The following PRSS41 variants were observed in gnomAD, a reference collection of about 807,000 sequenced individuals.
The protein encoded by PRSS41 is serine protease 41, also known as protease, serine 41.
Under a neutral mutation model 28.8 loss-of-function variants are expected in PRSS41, and 37 were observed. That is an observed-to-expected ratio of 1.29 (90% confidence interval 0.99 to 1.69). PRSS41 has a LOEUF of 1.69. Among genes scored for constraint, PRSS41 ranks in the 40% most tolerant of loss-of-function variants. PRSS41 has a pLI of 0.00. For synonymous variants in PRSS41, 195 were observed against 163.1 expected (o/e 1.20, Z -1.49); for missense variants, 431 against 400.7 (o/e 1.08, Z -0.65).
At chr16:2,798,640 G>A (rs759895948) in exon 2 of PRSS41, 2 of 1,494,970 alleles carry the variant, frequency 1.3e-6, no homozygotes, top group Non-Finnish European at 1.8e-6. Flanking sequence ...CTGCAGAGTC[G>A]CAGGAGGAGG....
intron 4 of PRSS41, among the ~76,000 whole-genome samples, chr16:2,800,026 AG>A (rs2068976213): frequency 6.6e-6 from 1 of 152,256 alleles, no homozygotes; most frequent in African/African-American, 2.4e-5. Context: ...ATGCATCATG[AG>A]GCACTTTCAT....
intron 4 of PRSS41, among the ~76,000 whole-genome samples, chr16:2,803,730 G>T (rs2069003728): frequency 6.6e-6 from 1 of 152,166 alleles, no homozygotes; most frequent in African/African-American, 2.4e-5. Flanking sequence ...TGTAGGATAG[G>T]TCAACTAATG....
rs748422587 is a variant in PRSS41 at position 2,804,469 on chromosome 16, C to G, written c.622C>G (p.Gln208Glu). Reference sequence around the variant, plus strand: ...CACCAGGTGTAATTACCTGTTTGAACAGCCCTCTAGCCGTAGTATGATCTG... The same window carrying G: ...CACCAGGTGTAATTACCTGTTTGAAGAGCCCTCTAGCCGTAGTATGATCTG... The change falls in exon 5 of 6, where the codon CAG (glutamine) becomes GAG (glutamate). Residue 208 changes from glutamine (Q) to glutamate (E), a missense_variant. Transcript: ENST00000399677. The G allele has an allele frequency of 2.6e-6, 4 of 1,551,666 alleles. No homozygotes were observed. The African/African-American group carries it at 4.1e-5, about 16-fold the overall frequency.
intron 4 of PRSS41, among the ~76,000 whole-genome samples, chr16:2,801,300 T>C (rs2068984184): frequency 6.6e-6 from 1 of 152,216 alleles, no homozygotes; most frequent in Admixed American, 6.5e-5. Flanking sequence ...ATGATTTGAT[T>C]GTTTTATCAA....
At chr16:2,804,685 C>G (rs868054876) in intron 5 of PRSS41, 139 bp downstream of exon 5, 1 of 928,322 alleles carries the variant, frequency 1.1e-6, no homozygotes, top group Middle Eastern at 3.4e-4. Context: ...AGTTACTGAG[C>G]CTACAAAATA....
intron 4 of PRSS41, among the ~76,000 whole-genome samples, chr16:2,800,323 C>G (rs1424138035): frequency 6.6e-6 from 1 of 152,062 alleles, no homozygotes; most frequent in African/African-American, 2.4e-5. Context: ...GGTGAATCAC[C>G]TGAGGTCAGG....
At chr16:2,802,214 C>G (rs1282877737) in intron 4 of PRSS41, among the ~76,000 whole-genome samples, 1 of 150,912 alleles carries the variant, frequency 6.6e-6, no homozygotes, top group African/African-American at 2.4e-5. Context: ...GGGTCGCGGC[C>G]GGGCAGAGGC....
At chr16:2,803,079 T>C (rs944419609) in intron 4 of PRSS41, among the ~76,000 whole-genome samples, 28 of 151,952 alleles carry the variant, frequency 1.8e-4, no homozygotes, top group African/African-American at 6.3e-4. Flanking sequence ...GATCCAGTGA[T>C]TTTTTTAAAA....
exon 6 of PRSS41, chr16:2,805,062 T>G (rs1364646250): frequency 1.0e-5 from 16 of 1,552,660 alleles, no homozygotes; most frequent in Non-Finnish European, 1.4e-5. Context: ...CGGAGGGTGA[T>G]GTCCCACAGT....
At chr16:2,801,512 AT>A (rs1424243572) in intron 4 of PRSS41, among the ~76,000 whole-genome samples, 2 of 151,386 alleles carry the variant, frequency 1.3e-5, no homozygotes, top group African/African-American at 4.9e-5. Context: ...TGTGTCCCTG[AT>A]TACTTGAGAT....
intron 4 of PRSS41, among the ~76,000 whole-genome samples, chr16:2,802,609 C>G (rs1257261443): frequency 6.6e-6 from 1 of 152,242 alleles, no homozygotes; most frequent in East Asian, 1.9e-4. Context: ...ACTGAGTGAA[C>G]CAGACTCCGT....
At chr16:2,803,052 T>C (rs983247161) in intron 4 of PRSS41, among the ~76,000 whole-genome samples, 2 of 152,354 alleles carry the variant, frequency 1.3e-5, no homozygotes. Flanking sequence ...GACTCTCTTA[T>C]AAGGAGCACC....
At chr16:2,798,532 T>A (rs1445141492) in exon 1 of PRSS41, 1 of 1,530,422 alleles carries the variant, frequency 6.5e-7, no homozygotes, top group Non-Finnish European at 8.8e-7. Flanking sequence ...TGGCTCGGGC[T>A]GGACTCGGGA....
chr16:2,804,312 C>T (rs537213080), intron 4 of PRSS41, 77 bp from the exon 5 acceptor site: 209 of 1,491,522 alleles, frequency 1.4e-4, no homozygotes, highest in Non-Finnish European at 1.7e-4. Flanking sequence ...CCCTATAACA[C>T]ATGCCCTTTC....
chr16:2,799,013 C>A (rs1366982280), exon 3 of PRSS41: 1 of 1,532,272 alleles, frequency 6.5e-7, no homozygotes, highest in South Asian at 1.2e-5. Context: ...GTGGAGTCCG[C>A]GCGCGGGCGC....
In PRSS41 at chr16:2,798,897, A is replaced by G. The variant is rs2068965866; in HGVS notation, c.92-62A>G. ...CGCGCACCCCGGGGCAAAGCCGGGC[A>G]GGGCGGGCCTGCCCACCCCACCCCA... On this transcript the variant is annotated intron_variant, in intron 2 of 5. Transcript: ENST00000399677. 5 of 1,447,210 alleles carry G rather than the reference A, an allele frequency of 3.5e-6. No individual in the cohort carries two copies. The East Asian group carries it at 1.3e-4, about 38-fold the overall frequency. 89.6% of individuals were successfully genotyped at this position (1,447,210 alleles called of 1,614,324 possible).
chr16:2,799,134 G>T lies in PRSS41; in HGVS notation c.257+10G>T. The T allele has an allele frequency of 6.6e-7, 1 of 1,509,992 alleles. No individual in the cohort carries two copies. 93.5% of individuals were successfully genotyped at this position (1,509,992 alleles called of 1,614,324 possible). On this transcript the variant is annotated intron_variant, in intron 3 of 5. Transcript: ENST00000399677. ...CGCACTGCTTCCAAAAGTGAGTCTGGGGGGCGGCCGGGGCCTCAGACTTGC... is the reference window on the plus strand; with the variant it reads ...CGCACTGCTTCCAAAAGTGAGTCTGTGGGGCGGCCGGGGCCTCAGACTTGC...
At chr16:2,800,839 TAGC>T (rs2068981205) in intron 4 of PRSS41, among the ~76,000 whole-genome samples, 1 of 152,254 alleles carries the variant, frequency 6.6e-6, no homozygotes, top group South Asian at 2.1e-4. Context: ...TGTTTTGTAA[TAGC>T]AGCTACCTTA....
chr16:2,799,305 T>C (rs201718386), exon 4 of PRSS41: 71 of 1,551,452 alleles, frequency 4.6e-5, no homozygotes, highest in Non-Finnish European at 6.1e-5. Flanking sequence ...TCCCTCCGAG[T>C]GGACGGTCCA....
Sources: allele counts gnomAD v4.1 joint callset (sites outside exome capture counted in the v4.1 genomes callset), GRCh38; gene constraint gnomAD v4.1.1; transcripts MANE v1.5; gene names NCBI Gene and HGNC (gene_info 2026-07-23, HGNC 2026-07-21).